Variants in NRF1 observed in about 807,000 individuals in gnomAD.
NRF1 encodes alpha palindromic-binding protein.
NRF1 carries 5 observed loss-of-function variants against 58.5 expected under a neutral mutation model. That is an observed-to-expected ratio of 0.09 (90% CI 0.04 to 0.18). The LOEUF (loss-of-function observed/expected upper bound fraction) is 0.18. NRF1 is among the 10% of genes least tolerant of loss of function. The pLI is 1.00. For synonymous variants in NRF1, 224 were observed against 246.7 expected (o/e 0.91, Z 0.86); for missense variants, 288 against 657.7 (o/e 0.44, Z 6.15).
intron 5 of NRF1, among the ~76,000 whole-genome samples, chr7:129,701,914 C>T (rs529622724): frequency 2.0e-5 from 3 of 152,232 alleles, no homozygotes; most frequent in African/African-American, 7.2e-5. Context: ...TCTAGTTGCA[C>T]TACCATGAGA....
intron 4 of NRF1, among the ~76,000 whole-genome samples, chr7:129,686,101 CA>C (rs540355035): frequency 0.067 from 3,876 of 57,772 alleles, 76 homozygotes; most frequent in African/African-American, 0.14. Context: ...GACTGTATCT[CA>C]AAAAAAAAAA....
intron 1 of NRF1, among the ~76,000 whole-genome samples, chr7:129,620,562 AT>A (rs1403916170): frequency 1.3e-5 from 2 of 151,742 alleles, no homozygotes; most frequent in East Asian, 3.9e-4. Flanking sequence ...CTAATTTTTT[AT>A]TTTTAGTAGA....
At chr7:129,661,796 G>A (rs1339578483) in intron 2 of NRF1, among the ~76,000 whole-genome samples, 2 of 150,806 alleles carry the variant, frequency 1.3e-5, no homozygotes, top group Non-Finnish European at 2.9e-5. Context: ...CAGTTCCAAA[G>A]TCACTTCCAC....
At chr7:129,718,356 T>C (rs933730375) in intron 9 of NRF1, among the ~76,000 whole-genome samples, 6 of 152,160 alleles carry the variant, frequency 3.9e-5, no homozygotes, top group African/African-American at 1.2e-4. Context: ...TCCTATTCTG[T>C]AAAATGGGAG....
chr7:129,625,632 C>G (rs952811784), intron 1 of NRF1, among the ~76,000 whole-genome samples: 1 of 150,190 alleles, frequency 6.7e-6, no homozygotes, highest in African/African-American at 2.5e-5. Context: ...TCCTGAGTAG[C>G]TGGGACTGCA....
At chr7:129,696,215 G>T (rs898762133) in intron 5 of NRF1, among the ~76,000 whole-genome samples, 5 of 152,086 alleles carry the variant, frequency 3.3e-5, no homozygotes, top group Admixed American at 2.0e-4. Context: ...TCGCACTCCA[G>T]CCTGGGGCAA....
intron 1 of NRF1, among the ~76,000 whole-genome samples, chr7:129,640,535 G>A (rs1801266880): frequency 1.3e-5 from 2 of 151,996 alleles, no homozygotes; most frequent in East Asian, 1.9e-4. Flanking sequence ...CAAATTTACC[G>A]TACCCCCAGT....
chr7:129,694,493 T>A (rs1802641687), intron 5 of NRF1, among the ~76,000 whole-genome samples: 1 of 152,074 alleles, frequency 6.6e-6, no homozygotes, highest in Admixed American at 6.6e-5. Context: ...GCCTCCTGAG[T>A]AGCTGGGACT....
At chr7:129,648,933 A>C (rs1396964611) in intron 1 of NRF1, among the ~76,000 whole-genome samples, 9 of 146,626 alleles carry the variant, frequency 6.1e-5, no homozygotes, top group Non-Finnish European at 1.5e-5. Context: ...TTTTTTTTTC[A>C]ACTGTAGAGC....
chr7:129,671,948 T>C (rs756433582), intron 3 of NRF1, among the ~76,000 whole-genome samples: 4 of 151,360 alleles, frequency 2.6e-5, no homozygotes, highest in Non-Finnish European at 5.9e-5. Context: ...AGTCAGGAGG[T>C]AGGGGGATAT....
At chr7:129,631,282 T>A (rs1316002746) in intron 1 of NRF1, among the ~76,000 whole-genome samples, 1 of 151,876 alleles carries the variant, frequency 6.6e-6, no homozygotes, top group African/African-American at 2.4e-5. Context: ...TACCCTGATG[T>A]GATCACTGCT....
At chr7:129,694,428 G>A (rs1032693204) in intron 5 of NRF1, among the ~76,000 whole-genome samples, 3 of 152,084 alleles carry the variant, frequency 2.0e-5, no homozygotes, top group Admixed American at 6.6e-5. Flanking sequence ...GCAATGGCAC[G>A]ATCTCGGCTC....
chr7:129,676,003 T>TG (rs1302067499), intron 3 of NRF1, among the ~76,000 whole-genome samples: 1 of 152,240 alleles, frequency 6.6e-6, no homozygotes, highest in Non-Finnish European at 1.5e-5. Context: ...CTGGATAACT[T>TG]GCTCCAGCTT....
At chr7:129,642,161 T>C (rs1442665658) in intron 1 of NRF1, among the ~76,000 whole-genome samples, 1 of 151,814 alleles carries the variant, frequency 6.6e-6, no homozygotes, top group African/African-American at 2.4e-5. Context: ...TGTATTTTTT[T>C]TTAGTAGAGA....
intron 1 of NRF1, among the ~76,000 whole-genome samples, chr7:129,642,957 C>T (rs1801328331): frequency 1.3e-5 from 2 of 151,760 alleles, no homozygotes; most frequent in South Asian, 4.2e-4. Flanking sequence ...GATGGGGTTT[C>T]ACCATTTCAC....
At position 129,615,920 on chromosome 7, in the gene NRF1, CTT is replaced by C. The variant is rs577379088; in HGVS notation, c.-7+4099_-7+4100del. ...TAAAACCATATTGAGCTATTGGAAA[CTT>C]TTAATCCTCAAGCAACAACAATGCT... is the stretch of plus-strand genomic sequence containing the variant. On this transcript the variant is annotated intron_variant, in intron 1 of 10. Coordinates refer to ENST00000393232, the MANE Select transcript of NRF1 (RefSeq NM_005011.5). Among the ~76,000 whole-genome samples, 347 of 152,232 alleles carry C rather than the reference CTT, an allele frequency of 2.3e-3. 1 individual carries two copies. The highest frequency in any genetic ancestry group is 8.0e-3 in the African/African-American group (334 of 41,542).
intron 10 of NRF1, among the ~76,000 whole-genome samples, chr7:129,752,607 T>G (rs1804145514): frequency 6.6e-6 from 1 of 152,066 alleles, no homozygotes; most frequent in South Asian, 2.1e-4. Context: ...ATCCTAGCAC[T>G]TTGGAAAGCC....
chr7:129,719,497 A>AACACACACACACAC (rs67443980), intron 9 of NRF1, among the ~76,000 whole-genome samples: 6,058 of 141,738 alleles, frequency 0.043, 212 homozygotes, highest in Non-Finnish European at 0.06. Flanking sequence ...AGGAAACTGA[A>AACACACACACACAC]ACACACACAC....
At chr7:129,674,284 C>A (rs1357990307) in intron 3 of NRF1, among the ~76,000 whole-genome samples, 2 of 151,986 alleles carry the variant, frequency 1.3e-5, no homozygotes, top group East Asian at 3.9e-4. Flanking sequence ...AGGTTTGGTT[C>A]CAGACCACTA....
Sources: allele counts gnomAD v4.1 joint callset (sites outside exome capture counted in the v4.1 genomes callset), GRCh38; gene constraint gnomAD v4.1.1; transcripts MANE v1.5; gene names NCBI Gene and HGNC (gene_info 2026-07-23, HGNC 2026-07-21).